The following NRXN3 variants were observed in gnomAD, a reference collection of about 807,000 sequenced individuals.
The protein encoded by NRXN3 is neurexin III.
In NRXN3, 32 loss-of-function variants were observed where a neutral mutation model predicts 137.6. The ratio of observed to expected loss-of-function variants is 0.23; its 90% confidence interval spans 0.18 to 0.31. NRXN3 has a LOEUF of 0.31. NRXN3 is among the 10% of genes least tolerant of loss of function. The probability of loss-of-function intolerance (pLI) is 1.00; values close to 1 mark genes in which losing one functional copy is unlikely to be tolerated. For missense variants in NRXN3, 1,574 were observed against 2,062.5 expected (o/e 0.76, Z 4.59); for synonymous variants, 798 against 784.5 (o/e 1.02, Z -0.29).
intron 1 of NRXN3, among the ~76,000 whole-genome samples, chr14:78,208,522 C>T (rs1236297675): frequency 2.6e-5 from 4 of 152,248 alleles, no homozygotes; most frequent in Non-Finnish European, 2.9e-5. Context: ...TGCCTCCTCT[C>T]TGAGGCCATC....
At chr14:78,525,027 T>C (rs1283212173) in intron 4 of NRXN3, among the ~76,000 whole-genome samples, 1 of 152,238 alleles carries the variant, frequency 6.6e-6, no homozygotes, top group African/African-American at 2.4e-5. Context: ...TTATCTGATC[T>C]ACTTCTCTGA....
At chr14:78,248,375 C>A (rs2068063254) in intron 2 of NRXN3, among the ~76,000 whole-genome samples, 2 of 141,290 alleles carry the variant, frequency 1.4e-5, no homozygotes, top group Non-Finnish European at 3.0e-5. Context: ...TGACTGATGG[C>A]TCAACACCAC....
In NRXN3 at chr14:78,414,809, C is replaced by T. The variant is rs2093036076; in HGVS notation, c.757+116949C>T. Among the ~76,000 whole-genome samples, 3 of 151,976 alleles carry T rather than the reference C, an allele frequency of 2.0e-5. No homozygotes were observed. In the South Asian group the frequency reaches 6.2e-4, roughly 32 times the overall value. ...AGATTAAGAGAAACTGAGGAAAAAC[C>T]ACACGATCTCGGAGGGGTAGAGAAT... On this transcript the variant is annotated intron_variant, in intron 4 of 20. Transcript: ENST00000335750.
At chr14:78,342,606 C>G (rs1344271263) in intron 4 of NRXN3, among the ~76,000 whole-genome samples, 1 of 152,158 alleles carries the variant, frequency 6.6e-6, no homozygotes, top group African/African-American at 2.4e-5. Flanking sequence ...AGACAATTAA[C>G]TTATGGTTTA....
At chr14:79,764,976 A>G (rs2099051320) in intron 19 of NRXN3, among the ~76,000 whole-genome samples, 1 of 152,194 alleles carries the variant, frequency 6.6e-6, no homozygotes. Context: ...TTTTTAAACA[A>G]TTAAATATGC....
intron 4 of NRXN3, among the ~76,000 whole-genome samples, chr14:78,351,010 T>C (rs2083408852): frequency 6.6e-6 from 1 of 152,206 alleles, no homozygotes; most frequent in Non-Finnish European, 1.5e-5. Context: ...CTCCACTTAG[T>C]TCCATCCACT....
chr14:79,063,679 C>T (rs982169767), intron 15 of NRXN3, among the ~76,000 whole-genome samples: 1 of 152,056 alleles, frequency 6.6e-6, no homozygotes, highest in African/African-American at 2.4e-5. Flanking sequence ...GTGCCATGAA[C>T]AAAGTTATGC....
intron 16 of NRXN3, among the ~76,000 whole-genome samples, chr14:79,594,174 A>T (rs986991340): frequency 6.6e-6 from 1 of 152,228 alleles, no homozygotes; most frequent in African/African-American, 2.4e-5. Context: ...CCTTCTAAGC[A>T]TGAAAGTTTT....
intron 4 of NRXN3, chr14:78,403,646 G>A (rs1371675726): frequency 1.1e-6 from 1 of 893,608 alleles, no homozygotes. Flanking sequence ...TTTGAAGGGT[G>A]AGAGAGTTGC....
intron 10 of NRXN3, among the ~76,000 whole-genome samples, chr14:78,883,008 G>C (rs1295639752): frequency 6.6e-6 from 1 of 152,062 alleles, no homozygotes; most frequent in Non-Finnish European, 1.5e-5. Context: ...ATTTTATAAG[G>C]AGGTTTTCCC....
intron 4 of NRXN3, among the ~76,000 whole-genome samples, chr14:78,484,617 C>T (rs61976060): frequency 9.2e-5 from 14 of 152,114 alleles, no homozygotes; most frequent in Admixed American, 3.9e-4. Flanking sequence ...GGTACTGGAA[C>T]ATGGAGCTTG....
In NRXN3 at chr14:79,861,367, C is replaced by A; in HGVS notation, c.4119C>A (p.Phe1373Leu). ...ATAAGAGTCTTTCCACTTCAATCTT[C>A]GAAGGTGGCTACAAAGCACATGCGC... ...STDKSLSTSIFEGGYKAHAPK... is the reference protein window; with the variant it reads ...STDKSLSTSILEGGYKAHAPK... The change falls in exon 21 of 21, where the codon TTC becomes TTA. Residue 1373 changes from phenylalanine to leucine, a missense_variant. Coordinates refer to ENST00000335750, the MANE Select transcript of NRXN3 (RefSeq NM_001330195.2). This position sits in a 1 kb window ranked among gnomAD's most constrained non-coding sequence, Gnocchi z 5.4. The A allele has an allele frequency of 1.3e-6, 2 of 1,536,098 alleles. No individual in the cohort carries two copies. Among genetic ancestry groups the A allele is most frequent in the Non-Finnish European group, 1.7e-6 (2 of 1,146,908 alleles).
chr14:78,739,456 T>C (rs1451066280), intron 8 of NRXN3, among the ~76,000 whole-genome samples: 1 of 152,162 alleles, frequency 6.6e-6, no homozygotes, highest in Non-Finnish European at 1.5e-5. Flanking sequence ...TGGGTACTCT[T>C]TCACAGACAA....
At chr14:79,499,923 CT>C (rs1013572652) in intron 16 of NRXN3, among the ~76,000 whole-genome samples, 1 of 149,918 alleles carries the variant, frequency 6.7e-6, no homozygotes, top group Non-Finnish European at 1.5e-5. Context: ...ATTAGGCCCC[CT>C]GTGTTTGGTT....
At chr14:78,272,883 G>A (rs1009025240) in intron 2 of NRXN3, among the ~76,000 whole-genome samples, 30 of 152,114 alleles carry the variant, frequency 2.0e-4, no homozygotes, top group Non-Finnish European at 7.3e-5. Flanking sequence ...TGACCTAGGG[G>A]AGGATGCCAA....
intron 15 of NRXN3, among the ~76,000 whole-genome samples, chr14:79,320,374 C>A (rs1265268823): frequency 6.6e-6 from 1 of 152,086 alleles, no homozygotes; most frequent in East Asian, 1.9e-4. Context: ...CTTAAAATAC[C>A]ACAGTTGGCC....
At chr14:78,834,315 A>G (rs965298769) in intron 10 of NRXN3, among the ~76,000 whole-genome samples, 6 of 152,138 alleles carry the variant, frequency 3.9e-5, no homozygotes, top group Non-Finnish European at 8.8e-5. Flanking sequence ...CACAAAGAAG[A>G]AAGATGGAGG....
At chr14:78,547,013 A>C (rs1006553003) in intron 4 of NRXN3, among the ~76,000 whole-genome samples, 2 of 151,782 alleles carry the variant, frequency 1.3e-5, no homozygotes, top group African/African-American at 4.8e-5. Flanking sequence ...GAAAAAAGCC[A>C]CTCTTTTCCC....
At chr14:79,437,506 C>T (rs1252277415) in intron 15 of NRXN3, among the ~76,000 whole-genome samples, 2 of 151,964 alleles carry the variant, frequency 1.3e-5, no homozygotes, top group Admixed American at 6.6e-5. Context: ...ATTGTCTTTG[C>T]TGCAGTGTCT....
Sources: gnomAD v4.1 joint callset for allele counts (sites outside exome capture counted in the v4.1 genomes callset) on GRCh38, gnomAD v4.1.1 for gene constraint, Gnocchi (gnomAD v3.1) non-coding constraint, MANE v1.5 for transcripts, NCBI Gene and HGNC (gene_info 2026-07-23, HGNC 2026-07-21) for gene names.